DOCK11: variants seen among roughly 807,000 people sequenced by gnomAD.
DOCK11 encodes dedicator of cytokinesis 11, also known as dedicator of cytokinesis protein 11.
DOCK11 carries 70 observed loss-of-function variants against 169.1 expected under a neutral mutation model. The observed-to-expected ratio is 0.41, with a 90% CI of 0.34 to 0.51. The LOEUF is 0.51. Among genes scored for constraint, DOCK11 ranks in the 20% least tolerant of loss-of-function variants. The pLI is 0.10. For synonymous variants in DOCK11, 529 were observed against 541.3 expected (o/e 0.98, Z 0.32); for missense variants, 1,166 against 1,538.8 (o/e 0.76, Z 4.05).
intron 1 of DOCK11, among the ~76,000 whole-genome samples, chrX:118,533,617 C>G (rs1207779136): frequency 2.7e-5 from 3 of 111,951 alleles, no homozygotes; most frequent in Non-Finnish European, 5.6e-5. Context: ...CTACTGTGTT[C>G]AAATGATACA....
intron 1 of DOCK11, among the ~76,000 whole-genome samples, chrX:118,536,761 C>T (rs1229325640): frequency 2.7e-5 from 3 of 111,495 alleles, no homozygotes; most frequent in Non-Finnish European, 5.7e-5. Flanking sequence ...TTTTTTTATT[C>T]ACCTCTGCAT....
chrX:118,657,317 G>A (rs1603169804), intron 44 of DOCK11, among the ~76,000 whole-genome samples: 1 of 111,416 alleles, frequency 9.0e-6, no homozygotes, highest in Non-Finnish European at 1.9e-5. Flanking sequence ...CTAATGAGGA[G>A]AAAATGTTGT....
intron 46 of DOCK11, among the ~76,000 whole-genome samples, chrX:118,673,066 A>C (rs2016523983): frequency 8.9e-6 from 1 of 112,054 alleles, no homozygotes; most frequent in Non-Finnish European, 1.9e-5. Flanking sequence ...CATCTGAAGA[A>C]CCTTTGTAGT....
chrX:118,681,880 A>G lies in DOCK11; in HGVS notation c.5963+86A>G, dbSNP rs1603193315. The G allele has an allele frequency of 6.0e-6, 4 of 668,602 alleles. No individual in the cohort carries two copies. The East Asian group carries it at 1.1e-4, about 19-fold the overall frequency. 55.1% of individuals were successfully genotyped at this position (668,602 alleles called of 1,213,427 possible). ...AAAAACAACAAAGTATTGACCAAAT[A>G]ATACCCTTCCAAAAAGGGACATTCT... On this transcript the variant is annotated intron_variant, in intron 51 of 52. Coordinates refer to ENST00000276202, the MANE Select transcript of DOCK11 (RefSeq NM_144658.4).
At chrX:118,604,828 C>T (rs995581249) in intron 23 of DOCK11, among the ~76,000 whole-genome samples, 21 of 110,726 alleles carry the variant, frequency 1.9e-4, no homozygotes. Context: ...CTTAACTTGT[C>T]ACCAGATTAA....
intron 40 of DOCK11, 63 bp from the exon 41 acceptor site, chrX:118,648,882 T>G: frequency 2.0e-5 from 21 of 1,035,620 alleles, no homozygotes; most frequent in Non-Finnish European, 2.6e-5. Flanking sequence ...AGAGGGCACT[T>G]GATATTCTAT....
chrX:118,585,784 G>A (rs2013798396), intron 16 of DOCK11, among the ~76,000 whole-genome samples: 1 of 110,770 alleles, frequency 9.0e-6, no homozygotes, highest in South Asian at 3.9e-4. Flanking sequence ...AGATGAAAAA[G>A]GAGAAGGATT....
chrX:118,651,906 G>A (rs1278942797), intron 41 of DOCK11, 58 bp from the exon 42 acceptor site: 3 of 813,240 alleles, frequency 3.7e-6, no homozygotes, highest in African/African-American at 4.1e-5. Flanking sequence ...AAAATGATGA[G>A]CATAGACAGC....
At chrX:118,624,293 T>C (rs1360077958) in intron 31 of DOCK11, among the ~76,000 whole-genome samples, 2 of 112,574 alleles carry the variant, frequency 1.8e-5, no homozygotes, top group East Asian at 5.5e-4. Flanking sequence ...TACAAAAACC[T>C]TTTACTTCAT....
At chrX:118,631,218 G>C (rs754050231) in intron 35 of DOCK11, among the ~76,000 whole-genome samples, 4 of 109,662 alleles carry the variant, frequency 3.6e-5, no homozygotes, top group Non-Finnish European at 7.6e-5. Flanking sequence ...AAAGCACCTG[G>C]GATCATCATA....
chrX:118,498,754 G>T (rs769886115), intron 1 of DOCK11, among the ~76,000 whole-genome samples: 1 of 107,503 alleles, frequency 9.3e-6, no homozygotes, highest in East Asian at 2.9e-4. Flanking sequence ...TCCTGTTTAG[G>T]TTTTTTTTTT....
chrX:118,600,198 G>A (rs2014289387), intron 23 of DOCK11, among the ~76,000 whole-genome samples: 1 of 110,791 alleles, frequency 9.0e-6, no homozygotes, highest in African/African-American at 3.3e-5. Context: ...CTTGAGCTCA[G>A]GAGTTCAAGA....
chrX:118,559,885 G>A, intron 6 of DOCK11, among the ~76,000 whole-genome samples: 1 of 109,979 alleles, frequency 9.1e-6, no homozygotes, highest in Middle Eastern at 4.7e-3. Context: ...TATGAGATAT[G>A]TACATATATG....
At chrX:118,632,525 C>T (rs1213790236) in intron 35 of DOCK11, 1 of 111,698 alleles carries the variant, frequency 9.0e-6, no homozygotes, top group Non-Finnish European at 1.9e-5. Context: ...CTTCTAGATC[C>T]TTCTCAATGG....
intron 29 of DOCK11, 137 bp downstream of exon 29, chrX:118,614,912 G>T: frequency 4.2e-6 from 2 of 478,156 alleles, no homozygotes; most frequent in Non-Finnish European, 7.0e-6. Context: ...GTAAAAGCAA[G>T]GAATACTGGA....
At chrX:118,503,235 AT>A (rs35825865) in intron 1 of DOCK11, among the ~76,000 whole-genome samples, 1 of 109,796 alleles carries the variant, frequency 9.1e-6, no homozygotes, top group African/African-American at 3.3e-5. Flanking sequence ...TAATTTTTGT[AT>A]TTTTAGTAGA....
Position 118,580,085 on chromosome X carries a change from T to A in DOCK11, c.1513-12T>A. On this transcript the variant is annotated splice_polypyrimidine_tract_variant and intron_variant, in intron 13 of 52. Coordinates refer to ENST00000276202, the MANE Select transcript of DOCK11 (RefSeq NM_144658.4). ...AACAAATACAAGCCTATCTTCTTGTTTCTGACCTTAGACGGCCCAGAAGGT... is the reference window on the plus strand; with the variant it reads ...AACAAATACAAGCCTATCTTCTTGTATCTGACCTTAGACGGCCCAGAAGGT... 1 of 1,203,631 alleles carries A rather than the reference T, an allele frequency of 8.3e-7. No homozygotes were observed. The highest frequency in any genetic ancestry group is 1.7e-5 in the African/African-American group (1 of 57,489).
In DOCK11 at chrX:118,683,067, A is replaced by G; in HGVS notation, c.5964-12A>G. On this transcript the variant is annotated splice_polypyrimidine_tract_variant and intron_variant, in intron 51 of 52. Coordinates refer to ENST00000276202, the MANE Select transcript of DOCK11 (RefSeq NM_144658.4). ...AAATAACAAGACCTTTATCTTTGAT[A>G]TTCATCCACAGGAAATTTATACAAG... 1.7e-6 allele frequency: 2 copies of G among 1,196,630 alleles called. No individual in the cohort carries two copies. The highest frequency in any genetic ancestry group is 2.3e-6 in the Non-Finnish European group (2 of 888,146).
At chrX:118,565,910 G>A in intron 7 of DOCK11, 95 bp from the exon 8 acceptor site, 1 of 856,265 alleles carries the variant, frequency 1.2e-6, no homozygotes. Context: ...ACGCACATAT[G>A]CACTAAGCTG....
Sources: gnomAD v4.1 joint callset for allele counts (sites outside exome capture counted in the v4.1 genomes callset) on GRCh38, gnomAD v4.1.1 for gene constraint, MANE v1.5 for transcripts, NCBI Gene and HGNC (gene_info 2026-07-23, HGNC 2026-07-21) for gene names.